The following SCPEP1 variants were observed in gnomAD, a reference collection of about 807,000 sequenced individuals.
SCPEP1 encodes the protein retinoid-inducible serine carboxypeptidase.
Under a neutral mutation model 63.8 loss-of-function variants are expected in SCPEP1, and 51 were observed. The observed-to-expected ratio is 0.80, with a 90% CI of 0.64 to 1.01. The LOEUF is 1.01. Among genes scored for constraint, SCPEP1 ranks in the 50% least tolerant of loss-of-function variants. The pLI is 0.00. For missense variants in SCPEP1, 499 were observed against 554.9 expected, an observed-to-expected ratio of 0.90 and a Z score of 1.01; for synonymous variants, 204 against 207.8, an observed-to-expected ratio of 0.98 and a Z score of 0.16.
At chr17:56,981,430 A>G (rs1911065752) in intron 2 of SCPEP1, among the ~76,000 whole-genome samples, 200 bp downstream of exon 2, 1 of 152,212 alleles carries the variant, frequency 6.6e-6, no homozygotes. Flanking sequence ...AGGGGGTTCT[A>G]GCCTTTTGCC....
At chr17:56,986,255 C>T (rs1171082872) in intron 3 of SCPEP1, among the ~76,000 whole-genome samples, 1 of 151,716 alleles carries the variant, frequency 6.6e-6, no homozygotes, top group Admixed American at 6.6e-5. Flanking sequence ...AATGTCCCTC[C>T]GTCACCAAGG....
At chr17:56,987,369 C>T (rs372753701) in intron 3 of SCPEP1, 6 of 203,932 alleles carry the variant, frequency 2.9e-5, no homozygotes, top group East Asian at 2.6e-4. Flanking sequence ...CTTCTTTCTG[C>T]GCTAGTTTAT....
chr17:57,002,702 G>A (rs1911775148), intron 12 of SCPEP1, among the ~76,000 whole-genome samples: 1 of 150,874 alleles, frequency 6.6e-6, no homozygotes. Context: ...GTGAGACTCT[G>A]TCTCAAAAAA....
At chr17:56,979,758 G>A in intron 1 of SCPEP1, among the ~76,000 whole-genome samples, 1 of 151,904 alleles carries the variant, frequency 6.6e-6, no homozygotes, top group East Asian at 1.9e-4. Flanking sequence ...TTTCCTTGCT[G>A]TTTGCCTTTT....
rs549822941 is a variant in SCPEP1, at chr17:57,002,526, C to T, written c.1296+345C>T. ...AGCTCAAGAGTTCAAGACCAGCCTTCGCAACGTGGCGAAACCCTGTCTCTA... is the reference window on the plus strand; with the variant it reads ...AGCTCAAGAGTTCAAGACCAGCCTTTGCAACGTGGCGAAACCCTGTCTCTA... On this transcript the variant is annotated intron_variant, in intron 12 of 12. Transcript: ENST00000262288. Among the ~76,000 whole-genome samples, 15 of 152,234 alleles carry T rather than the reference C, an allele frequency of 9.9e-5. No homozygotes were observed. In the East Asian group the frequency reaches 2.1e-3, roughly 22 times the overall value.
rs2144503531 is a variant in SCPEP1, at chr17:56,998,452, C to T, written c.948C>T (p.Pro316=). The change falls in exon 10 of 13, where the codon CCC becomes CCT. Residue 316 remains proline (P), a synonymous_variant. Coordinates refer to ENST00000262288, the MANE Select transcript of SCPEP1 (RefSeq NM_021626.3). ...CCTTAAGCCAGCTCATGAATGGCCC[C>T]ATCAGAAAGAAGCTCAAAATTATTC... ...RDALSQLMNG[P]IRKKLKIIPE... 6.2e-7 allele frequency: 1 copy of T among 1,614,028 alleles called. No homozygotes were observed. Among genetic ancestry groups the T allele is most frequent in the Non-Finnish European group, 8.5e-7 (1 of 1,179,994 alleles).
At chr17:56,987,898 C>A in intron 4 of SCPEP1, 48 bp downstream of exon 4, 1 of 1,596,562 alleles carries the variant, frequency 6.3e-7, no homozygotes, top group Non-Finnish European at 8.6e-7. Context: ...GCAATATCAA[C>A]TCTACATCCA....
At position 56,985,380 on chromosome 17, in the gene SCPEP1, C is replaced by T. The variant is rs201747323; in HGVS notation, c.228C>T (p.Gly76=). Residue 76 remains glycine (G), a splice_region_variant and synonymous_variant, in exon 3 of 13, where the codon GGC becomes GGT. Coordinates refer to ENST00000262288, the MANE Select transcript of SCPEP1 (RefSeq NM_021626.3). ...TTTGTTTCTTCTCTCTTCCATAGGG[C>T]GGTCCAGGCGGTTCTAGCACTGGAT... ...SELPLVMWLQ[G]GPGGSSTGFG... The T allele has an allele frequency of 2.5e-5, 40 of 1,613,162 alleles. No homozygotes were observed. Among genetic ancestry groups the T allele is most frequent in the Admixed American group, 1.2e-4 (7 of 59,996 alleles).
At chr17:56,987,348 G>A (rs1246965821) in intron 3 of SCPEP1, 2 of 188,578 alleles carry the variant, frequency 1.1e-5, no homozygotes, top group East Asian at 1.5e-4. Flanking sequence ...TGCATAGACT[G>A]TCTCTGCATG....
At chr17:56,979,489 T>G (rs1598111420) in intron 1 of SCPEP1, among the ~76,000 whole-genome samples, 4 of 148,210 alleles carry the variant, frequency 2.7e-5, no homozygotes, top group Admixed American at 6.7e-5. Flanking sequence ...TTTCCCAGAG[T>G]GGTTTTGGAG....
At chr17:56,989,330 G>A (rs1238694682) in intron 5 of SCPEP1, among the ~76,000 whole-genome samples, 1 of 152,216 alleles carries the variant, frequency 6.6e-6, no homozygotes, top group African/African-American at 2.4e-5. Flanking sequence ...CATGAGATTT[G>A]TAAATATTTA....
chr17:56,986,113 C>T (rs1911208107), intron 3 of SCPEP1, among the ~76,000 whole-genome samples: 1 of 152,096 alleles, frequency 6.6e-6, no homozygotes, highest in African/African-American at 2.4e-5. Flanking sequence ...CTGTTCCTCT[C>T]TCTGTGCTCC....
chr17:56,985,527 A>AG, intron 3 of SCPEP1, 60 bp downstream of exon 3: 2 of 1,300,012 alleles, frequency 1.5e-6, no homozygotes, highest in Non-Finnish European at 2.2e-6. Flanking sequence ...GGCCCTGCCC[A>AG]ACTCTGGGAG....
In SCPEP1 at chr17:56,996,544, A is replaced by G. The variant is rs541136980; in HGVS notation, c.787-418A>G. On this transcript the variant is annotated intron_variant, in intron 8 of 12. Transcript: ENST00000262288. ...TTCTTTTTTATTTTTTTTTGAGACT[A>G]AGTCTGGCTCTGTCACCCACACTGT... Among the ~76,000 whole-genome samples the G allele has an allele frequency of 2.0e-5, 3 of 146,964 alleles. No individual in the cohort carries two copies. In the South Asian group the frequency reaches 6.4e-4, roughly 32 times the overall value.
chr17:56,981,765 T>C (rs1050088270), intron 2 of SCPEP1, among the ~76,000 whole-genome samples: 5 of 152,144 alleles, frequency 3.3e-5, no homozygotes, highest in African/African-American at 4.8e-5. Flanking sequence ...GAGGTAGCAG[T>C]GAGCTGAGAT....
intron 4 of SCPEP1, 81 bp downstream of exon 4, chr17:56,987,931 C>T (rs1911273520): frequency 2.7e-6 from 4 of 1,468,182 alleles, no homozygotes; most frequent in African/African-American, 2.8e-5. Context: ...TGAACTGCCT[C>T]CAGAGTTTAA....
chr17:56,995,062 A>C (rs373428304), intron 7 of SCPEP1, 44 bp downstream of exon 7: 159 of 1,545,584 alleles, frequency 1.0e-4, no homozygotes, highest in Non-Finnish European at 1.3e-4. Context: ...ACAGCCCAGC[A>C]GATCTCTTCT....
chr17:56,996,404 C>T lies in SCPEP1; in HGVS notation c.787-558C>T, dbSNP rs145946210. Among the ~76,000 whole-genome samples, 1,381 of 151,962 alleles carry T rather than the reference C, an allele frequency of 9.1e-3. 20 individuals are homozygous for T. The highest frequency in any genetic ancestry group is 0.032 in the African/African-American group (1,332 of 41,438). ...ATTTTTAGTAGAGAAGGGGTTTCAC[C>T]GTGTTGCCCAGGCTGGTCTTGAACT... On this transcript the variant is annotated intron_variant, in intron 8 of 12. Coordinates refer to ENST00000262288, the MANE Select transcript of SCPEP1 (RefSeq NM_021626.3).
intron 9 of SCPEP1, 65 bp downstream of exon 9, chr17:56,997,120 T>TA: frequency 1.0e-6 from 1 of 967,458 alleles, no homozygotes; most frequent in Non-Finnish European, 1.5e-6. Flanking sequence ...AACCTGTTTA[T>TA]TAAAAAAAAA....
Sources: gnomAD v4.1 joint callset for allele counts (sites outside exome capture counted in the v4.1 genomes callset) on GRCh38, gnomAD v4.1.1 for gene constraint, MANE v1.5 for transcripts, NCBI Gene and HGNC (gene_info 2026-07-23, HGNC 2026-07-21) for gene names.